Variants in RIPOR2 observed in about 807,000 individuals in gnomAD.
RIPOR2 encodes RHO family interacting cell polarization regulator 2.
RIPOR2 carries 39 observed loss-of-function variants against 114.5 expected under a neutral mutation model. That is an observed-to-expected ratio of 0.34 (90% CI 0.26 to 0.44). The LOEUF is 0.44. Among genes scored for constraint, RIPOR2 ranks in the 20% least tolerant of loss-of-function variants. The probability of loss-of-function intolerance (pLI) is 1.00; values close to 1 mark genes in which losing one functional copy is unlikely to be tolerated. For missense variants in RIPOR2, 1,007 were observed against 1,255.1 expected (o/e 0.80, Z 2.99); for synonymous variants, 445 against 484.4 (o/e 0.92, Z 1.07).
At chr6:24,888,902 A>G (rs1767074250) in intron 1 of RIPOR2, among the ~76,000 whole-genome samples, 1 of 152,224 alleles carries the variant, frequency 6.6e-6, no homozygotes, top group African/African-American at 2.4e-5. Context: ...ATGTTCTATG[A>G]TCACGGCCTT....
At chr6:24,971,434 A>G (rs1773783441) in intron 1 of RIPOR2, among the ~76,000 whole-genome samples, 2 of 152,262 alleles carry the variant, frequency 1.3e-5, no homozygotes, top group East Asian at 1.9e-4. Context: ...CTGAATGCCA[A>G]CCTGGCAGGA....
intron 1 of RIPOR2, among the ~76,000 whole-genome samples, chr6:25,021,601 G>T (rs1776320357): frequency 6.6e-6 from 1 of 152,142 alleles, no homozygotes; most frequent in Non-Finnish European, 1.5e-5. Context: ...GGATGCAAAG[G>T]CATAAGAAAG....
intron 1 of RIPOR2, among the ~76,000 whole-genome samples, chr6:24,994,215 GA>G (rs1774953236): frequency 6.6e-6 from 1 of 152,096 alleles, no homozygotes; most frequent in Non-Finnish European, 1.5e-5. Flanking sequence ...TGAGACTGAG[GA>G]AGATACATCA....
intron 1 of RIPOR2, among the ~76,000 whole-genome samples, chr6:24,920,956 C>T (rs1404000924): frequency 6.6e-6 from 1 of 152,168 alleles, no homozygotes; most frequent in Non-Finnish European, 1.5e-5. Flanking sequence ...TGTCAGTAGT[C>T]TCCTAACCTA....
intron 3 of RIPOR2, among the ~76,000 whole-genome samples, 159 bp from the exon 4 acceptor site, chr6:24,873,118 A>G (rs1027068462): frequency 6.6e-6 from 1 of 152,216 alleles, no homozygotes; most frequent in Non-Finnish European, 1.5e-5. Flanking sequence ...AACATTTTGA[A>G]AGGTCTAGCA....
chr6:24,870,896 T>C lies in RIPOR2; in HGVS notation c.424-7A>G, dbSNP rs535241772. 3.2e-6 allele frequency: 5 copies of C among 1,579,852 alleles called. No individual in the cohort carries two copies. The East Asian group carries it at 9.2e-5, about 29-fold the overall frequency. On this transcript the variant is annotated splice_polypyrimidine_tract_variant and splice_region_variant and intron_variant, in intron 4 of 21. Transcript: ENST00000643898. ...CTAGGTCATACAGTACACCCTACAATAAAAAAAGGAATATCTGCATTTAAA... is the reference window on the plus strand; with the variant it reads ...CTAGGTCATACAGTACACCCTACAACAAAAAAAGGAATATCTGCATTTAAA...
chr6:24,999,772 G>A lies in RIPOR2; in HGVS notation c.76+42079C>T, dbSNP rs139254284. On this transcript the variant is annotated intron_variant, in intron 1 of 13. Transcript: ENST00000510784. ...AGGGTTTCACTGTGTTAGCCTGGAT[G>A]GTCTTGATCTCCTGGCCTCCTGATC... Among the ~76,000 whole-genome samples, 647 of 152,218 alleles carry A rather than the reference G, an allele frequency of 4.3e-3. 3 individuals carry two copies. The highest frequency in any genetic ancestry group is 0.012 in the African/African-American group (489 of 41,536).
intron 1 of RIPOR2, among the ~76,000 whole-genome samples, chr6:24,894,031 C>T (rs1320778370): frequency 1.3e-5 from 2 of 152,146 alleles, no homozygotes; most frequent in Admixed American, 6.5e-5. Flanking sequence ...TCCACCATAG[C>T]GAGCTACCAA....
rs9467380 is a variant in RIPOR2 at position 25,038,493 on chromosome 6, A to C, written c.76+3358T>G. Among the ~76,000 whole-genome samples the C allele has an allele frequency of 8.2e-3, 1,254 of 152,364 alleles. 15 individuals carry two copies. The highest frequency in any genetic ancestry group is 0.022 in the African/African-American group (913 of 41,586). ...CCTAATCAGGTGAGCCCTTTAAAGAAGAGTCTATAAGCAGCAAAAGACCCT... is the reference window on the plus strand; with the variant it reads ...CCTAATCAGGTGAGCCCTTTAAAGACGAGTCTATAAGCAGCAAAAGACCCT... On this transcript the variant is annotated intron_variant, in intron 1 of 13. Coordinates refer to the RIPOR2 transcript ENST00000510784.
intron 1 of RIPOR2, among the ~76,000 whole-genome samples, chr6:24,923,575 C>G (rs563364480): frequency 6.6e-6 from 1 of 152,118 alleles, no homozygotes; most frequent in African/African-American, 2.4e-5. Context: ...CTGGGCGCGG[C>G]GGCTCACTCC....
chr6:24,937,975 T>C (rs59512417), upstream of RIPOR2, among the ~76,000 whole-genome samples: 2,613 of 152,246 alleles, frequency 0.017, 58 homozygotes, highest in African/African-American at 0.057. Context: ...GGGCCCTAGC[T>C]ATTCCACTTC....
At chr6:24,840,899 A>AG in intron 13 of RIPOR2, 1 of 864,522 alleles carries the variant, frequency 1.2e-6, no homozygotes, top group Non-Finnish European at 1.8e-6. Flanking sequence ...CAGCAGTCTC[A>AG]GGGGGAGACA....
intron 1 of RIPOR2, chr6:25,023,572 G>T (rs1776436203): frequency 1.3e-6 from 1 of 771,010 alleles, no homozygotes; most frequent in Non-Finnish European, 2.4e-6. Context: ...GTTTGATTTT[G>T]CACACCTCCC....
intron 1 of RIPOR2, chr6:25,024,060 G>A: frequency 1.3e-6 from 1 of 764,410 alleles, no homozygotes; most frequent in Non-Finnish European, 2.4e-6. Context: ...GCATCCTCCA[G>A]GGAGCAGTGC....
At chr6:24,837,360 G>A (rs1761211828) in intron 14 of RIPOR2, among the ~76,000 whole-genome samples, 1 of 152,046 alleles carries the variant, frequency 6.6e-6, no homozygotes, top group African/African-American at 2.4e-5. Flanking sequence ...GACCTCAAGT[G>A]ATTCACCCTC....
chr6:25,019,548 T>C (rs535107836), intron 1 of RIPOR2, among the ~76,000 whole-genome samples: 83 of 151,484 alleles, frequency 5.5e-4, no homozygotes, highest in Non-Finnish European at 1.1e-3. Context: ...GGCGGGTGGA[T>C]CACGAGGTCA....
chr6:25,029,411 GAAAAAAAAAAAA>G (rs71544610), intron 1 of RIPOR2, among the ~76,000 whole-genome samples: 52 of 90,614 alleles, frequency 5.7e-4, no homozygotes, highest in Middle Eastern at 0.01. Flanking sequence ...TCTCAAAAAA[GAAAAAAAAAAAA>G]AAAAAAAAAA....
At chr6:24,844,948 G>A (rs1254331638) in intron 12 of RIPOR2, among the ~76,000 whole-genome samples, 2 of 152,012 alleles carry the variant, frequency 1.3e-5, no homozygotes, top group Admixed American at 1.3e-4. Context: ...GAGCAGAAGG[G>A]AAGACAAAGG....
rs1427465697 is a variant in RIPOR2 at position 24,962,002 on chromosome 6, G to T, written c.76+79849C>A. Among the ~76,000 whole-genome samples the T allele has an allele frequency of 2.0e-5, 3 of 152,244 alleles. No individual in the cohort carries two copies. In the Middle Eastern group the frequency reaches 0.01, roughly 518 times the overall value. On this transcript the variant is annotated intron_variant, in intron 1 of 13. Transcript: ENST00000510784. ...CTCATTACACATGTGAAGAAAGTAT[G>T]GTCCAGAGAGGCTAAGCACCTCACT...
Sources: gnomAD v4.1 joint callset for allele counts (sites outside exome capture counted in the v4.1 genomes callset) on GRCh38, gnomAD v4.1.1 for gene constraint, MANE v1.5 for transcripts, NCBI Gene and HGNC (gene_info 2026-07-23, HGNC 2026-07-21) for gene names.